The following NRXN2 variants were observed in gnomAD, a reference collection of about 807,000 sequenced individuals.
NRXN2 encodes neurexin-2-beta.
NRXN2 carries 29 observed loss-of-function variants against 128.8 expected under a neutral mutation model. That is an observed-to-expected ratio of 0.23 (90% CI 0.17 to 0.31). The LOEUF (loss-of-function observed/expected upper bound fraction) is 0.31, where lower values mean the gene tolerates loss of function less well. Ranked by LOEUF, NRXN2 falls within the 10% of genes least tolerant of loss-of-function variation. NRXN2 has a pLI of 1.00. For synonymous variants in NRXN2, 1,098 were observed against 1,075.2 expected, an observed-to-expected ratio of 1.02 and a Z score of -0.41; for missense variants, 1,881 against 2,452.6, an observed-to-expected ratio of 0.77 and a Z score of 4.92.
chr11:64,673,298 C>T (rs571747796), intron 7 of NRXN2, among the ~76,000 whole-genome samples: 2 of 152,304 alleles, frequency 1.3e-5, no homozygotes, highest in African/African-American at 4.8e-5. Flanking sequence ...ACACCTAATC[C>T]GAACTTCTCA....
At chr11:64,658,747 C>T (rs1487112798) in intron 11 of NRXN2, among the ~76,000 whole-genome samples, 1 of 152,254 alleles carries the variant, frequency 6.6e-6, no homozygotes, top group African/African-American at 2.4e-5. Flanking sequence ...CAAAGTTCAG[C>T]CAGGCACAGT....
intron 2 of NRXN2, among the ~76,000 whole-genome samples, chr11:64,702,278 G>A (rs1268090271): frequency 6.6e-6 from 1 of 152,184 alleles, no homozygotes; most frequent in Non-Finnish European, 1.5e-5. Context: ...CCTCTGCCCG[G>A]CCACCACCCG....
chr11:64,690,347 C>T, intron 5 of NRXN2, 58 bp downstream of exon 5: 1 of 1,514,558 alleles, frequency 6.6e-7, no homozygotes, highest in Non-Finnish European at 9.1e-7. Context: ...CCAGGAAGCA[C>T]AGTTAGCCTG....
At chr11:64,609,478 A>G (rs570995004) in intron 22 of NRXN2, among the ~76,000 whole-genome samples, 29 of 152,342 alleles carry the variant, frequency 1.9e-4, no homozygotes, top group African/African-American at 6.5e-4. Flanking sequence ...GGGTCTCCCC[A>G]TCTCTAGGTC....
rs569031649 is a variant in NRXN2, at chr11:64,651,034, G to A, written c.2918+221C>T. ...GTGGACAGAGAACAGATATAACAGG[G>A]AACTCTGGCAAGGAAGCAGCTGGGG... On this transcript the variant is annotated intron_variant, in intron 14 of 22. Coordinates refer to ENST00000265459, the MANE Select transcript of NRXN2 (RefSeq NM_015080.4). This position sits in a 1 kb window ranked among gnomAD's most constrained non-coding sequence, Gnocchi z 5.9. Among the ~76,000 whole-genome samples, 50 of 152,182 alleles carry A rather than the reference G, an allele frequency of 3.3e-4. No homozygotes were observed. The highest frequency in any genetic ancestry group is 5.2e-4 in the Admixed American group (8 of 15,284).
rs371732657 is a variant in NRXN2, at chr11:64,630,585, G to C, written c.3586-12C>G. On this transcript the variant is annotated splice_polypyrimidine_tract_variant and intron_variant, in intron 18 of 22. Coordinates refer to ENST00000265459, the MANE Select transcript of NRXN2 (RefSeq NM_015080.4). The surrounding 1 kb of genome is among the most constrained non-coding windows in gnomAD (Gnocchi z 4.6). Reference sequence around the variant, plus strand: ...ACGGTGCCCTGGTCCTGGGGACATGGAGGTGGAGGTCAGCGACCAGAGGGA... The same window carrying C: ...ACGGTGCCCTGGTCCTGGGGACATGCAGGTGGAGGTCAGCGACCAGAGGGA... 1 of 1,613,716 alleles carries C rather than the reference G, an allele frequency of 6.2e-7. No homozygotes were observed. Among genetic ancestry groups the C allele is most frequent in the Non-Finnish European group, 8.5e-7 (1 of 1,180,000 alleles).
rs2044060254 is a variant in NRXN2, at chr11:64,632,486, C to T, written c.3586-1913G>A. 6.6e-6 allele frequency among the ~76,000 whole-genome samples: 1 copy of T among 152,210 alleles called. No individual in the cohort carries two copies. The highest frequency in any genetic ancestry group is 6.5e-5 in the Admixed American group (1 of 15,290). On this transcript the variant is annotated intron_variant, in intron 18 of 22. Coordinates refer to ENST00000265459, the MANE Select transcript of NRXN2 (RefSeq NM_015080.4). This position sits in a 1 kb window ranked among gnomAD's most constrained non-coding sequence, Gnocchi z 4.2. ...AAGGAACAGTCGATCCTCCTCGGTA[C>T]TATTGTTAGTAATAATACCACCCAG...
At chr11:64,669,755 G>A (rs1462431016) in intron 7 of NRXN2, among the ~76,000 whole-genome samples, 1 of 152,226 alleles carries the variant, frequency 6.6e-6, no homozygotes, top group Non-Finnish European at 1.5e-5. Context: ...CAAGGGCTAT[G>A]AGACCACGAG....
In NRXN2 at chr11:64,651,327, G is replaced by A. The variant is rs139892428; in HGVS notation, c.2846C>T (p.Thr949Met). The A allele has an allele frequency of 1.5e-5, 24 of 1,614,230 alleles. No individual in the cohort carries two copies. The highest frequency in any genetic ancestry group is 2.2e-5 in the South Asian group (2 of 91,084). The change falls in exon 14 of 23, where the codon ACG (threonine) becomes ATG (methionine). Residue 949 changes from threonine to methionine, a missense_variant. Thr to Met is a moderately conservative substitution (Grantham distance 81, BLOSUM62 -1). Transcript: ENST00000265459. The surrounding 1 kb of genome is among the most constrained non-coding windows in gnomAD (Gnocchi z 5.9). ...SMHLFFQFKTTAPDGLLLFNS... is the reference protein window; with the variant it reads ...SMHLFFQFKTMAPDGLLLFNS... Reference sequence around the variant, plus strand: ...GAACAGAAGAAGCCCATCAGGGGCCGTGGTCTTGAACTGGAAGAAGAGGTG... The same window carrying A: ...GAACAGAAGAAGCCCATCAGGGGCCATGGTCTTGAACTGGAAGAAGAGGTG...
chr11:64,683,174 A>G (rs557709), intron 6 of NRXN2, among the ~76,000 whole-genome samples: 49,889 of 152,072 alleles, frequency 0.33, 10,542 homozygotes, highest in African/African-American at 0.59. Flanking sequence ...TATCCTGTAA[A>G]GCTGAAGACA....
intron 7 of NRXN2, chr11:64,676,129 CAG>C (rs1480134362): frequency 6.6e-6 from 1 of 152,618 alleles, no homozygotes; most frequent in Non-Finnish European, 1.5e-5. Flanking sequence ...AGGCAGCGGG[CAG>C]AGAGGGCAGG....
intron 9 of NRXN2, among the ~76,000 whole-genome samples, chr11:64,662,459 G>A (rs1209304818): frequency 1.3e-5 from 2 of 152,242 alleles, no homozygotes; most frequent in East Asian, 3.9e-4. Context: ...TCCTTCCTCT[G>A]TCCTTTTTCA....
At chr11:64,652,407 A>T (rs768274277) in intron 12 of NRXN2, among the ~76,000 whole-genome samples, 1 of 152,122 alleles carries the variant, frequency 6.6e-6, no homozygotes, top group Non-Finnish European at 1.5e-5. Context: ...CACTCTCAGG[A>T]CTGCCCTTTG....
In NRXN2 at chr11:64,630,208, C is replaced by G. The variant is rs964846351; in HGVS notation, c.3757+194G>C. On this transcript the variant is annotated intron_variant, in intron 19 of 22. Transcript: ENST00000265459. This position sits in a 1 kb window ranked among gnomAD's most constrained non-coding sequence, Gnocchi z 4.6. ...CCACCACGGTCTCGCCCCGCCGCCA[C>G]AAATCCCGACTTTTCCTAGCCACGC... Among the ~76,000 whole-genome samples the G allele has an allele frequency of 2.6e-5, 4 of 152,136 alleles. No individual in the cohort carries two copies. The highest frequency in any genetic ancestry group is 5.9e-5 in the Non-Finnish European group (4 of 68,010).
intron 11 of NRXN2, chr11:64,659,278 G>T (rs2048696700): frequency 6.6e-6 from 1 of 152,312 alleles, no homozygotes; most frequent in African/African-American, 2.4e-5. Flanking sequence ...CTCCAAAGGG[G>T]TGGGGACTGC....
Position 64,623,146 on chromosome 11 carries a change from G to T in NRXN2, c.3848-68C>A. On this transcript the variant is annotated intron_variant, in intron 20 of 22. Coordinates refer to ENST00000265459, the MANE Select transcript of NRXN2 (RefSeq NM_015080.4). The surrounding 1 kb of genome is among the most constrained non-coding windows in gnomAD (Gnocchi z 4.9). ...GAGGGGAGACCAGGAAGGGAAGGAA[G>T]AAAAGAAGGAAGCCAAGGAGAGGAA... The T allele has an allele frequency of 1.3e-6, 2 of 1,527,152 alleles. No homozygotes were observed. The highest frequency in any genetic ancestry group is 1.8e-6 in the Non-Finnish European group (2 of 1,133,198). The allele number at this position is 1,527,152 out of a possible 1,614,324, so 94.6% of individuals were successfully genotyped here. A position where few individuals can be genotyped will look rare whatever the true frequency, so the allele number is the denominator to read the frequency against.
intron 2 of NRXN2, among the ~76,000 whole-genome samples, chr11:64,712,198 C>T (rs1193322128): frequency 1.3e-5 from 2 of 151,902 alleles, no homozygotes; most frequent in African/African-American, 4.8e-5. Flanking sequence ...GGGGCCCCGC[C>T]CCCTGTCTCA....
chr11:64,712,417 C>T (rs983513783), intron 2 of NRXN2, among the ~76,000 whole-genome samples: 3 of 152,082 alleles, frequency 2.0e-5, no homozygotes, highest in Non-Finnish European at 4.4e-5. Context: ...CTCACAGCCC[C>T]TCACGGCCTC....
At chr11:64,618,918 C>T (rs1032243857) in intron 22 of NRXN2, among the ~76,000 whole-genome samples, 6 of 152,232 alleles carry the variant, frequency 3.9e-5, no homozygotes, top group African/African-American at 9.6e-5. Flanking sequence ...TGGGTCTGGG[C>T]GCCTGTGCCC....
Sources: gnomAD v4.1 joint callset for allele counts (sites outside exome capture counted in the v4.1 genomes callset) on GRCh38, gnomAD v4.1.1 for gene constraint, Gnocchi (gnomAD v3.1) non-coding constraint, MANE v1.5 for transcripts, NCBI Gene and HGNC (gene_info 2026-07-23, HGNC 2026-07-21) for gene names.